The following VTI1A variants were observed in gnomAD, a reference collection of about 807,000 sequenced individuals.
The protein encoded by VTI1A is vesicle transport through interaction with t-SNAREs 1A, also known as vesicle transport through interaction with t-SNAREs homolog 1A.
VTI1A carries 22 observed loss-of-function variants against 34.9 expected under a neutral mutation model. The ratio of observed to expected loss-of-function variants is 0.63; its 90% CI spans 0.45 to 0.90. VTI1A has a LOEUF of 0.90. VTI1A is among the 40% of genes least tolerant of loss of function. The probability of loss-of-function intolerance (pLI) is 0.00; values close to 1 mark genes in which losing one functional copy is unlikely to be tolerated. For missense variants in VTI1A, 268 were observed against 275.6 expected (o/e 0.97, Z 0.20); for synonymous variants, 87 against 97.3 (o/e 0.89, Z 0.62).
chr10:112,448,777 T>C (rs1847095466), intron 1 of VTI1A: 2 of 152,108 alleles, frequency 1.3e-5, no homozygotes, highest in Admixed American at 6.5e-5. Context: ...TAAGTTGTCA[T>C]TCCTCTTTCC....
At chr10:112,631,472 G>T (rs1846128993) in intron 5 of VTI1A, among the ~76,000 whole-genome samples, 1 of 152,032 alleles carries the variant, frequency 6.6e-6, no homozygotes, top group Admixed American at 6.5e-5. Context: ...TGTCTCTATA[G>T]ATTCATCTAT....
chr10:112,533,912 AT>A (rs537496332), intron 4 of VTI1A, among the ~76,000 whole-genome samples: 16 of 150,502 alleles, frequency 1.1e-4, no homozygotes, highest in East Asian at 5.8e-4. Context: ...AGCTAGTATG[AT>A]TTTTTTTTTC....
At chr10:112,765,162 A>G (rs1398529399) in intron 7 of VTI1A, among the ~76,000 whole-genome samples, 1 of 152,116 alleles carries the variant, frequency 6.6e-6, no homozygotes, top group African/African-American at 2.4e-5. Context: ...ATACCATTTC[A>G]ATTTCTTGCT....
intron 6 of VTI1A, among the ~76,000 whole-genome samples, chr10:112,668,494 G>C (rs971351150): frequency 6.6e-6 from 1 of 152,066 alleles, no homozygotes; most frequent in Non-Finnish European, 1.5e-5. Flanking sequence ...TTCCCAGGTA[G>C]GTATTTTATT....
At chr10:112,749,747 C>T (rs1274313178) in intron 7 of VTI1A, among the ~76,000 whole-genome samples, 1 of 152,186 alleles carries the variant, frequency 6.6e-6, no homozygotes, top group Non-Finnish European at 1.5e-5. Flanking sequence ...CTTAGCTATG[C>T]TCTAGTTTGA....
Position 112,702,376 on chromosome 10 carries a change from G to A in VTI1A, c.560+33378G>A, listed in dbSNP as rs552817365. Reference sequence around the variant, plus strand: ...AAATTCAGTATTAAAACCAGGATTCGTTTAAAGCATTACTATGTCACATAG... The same window carrying A: ...AAATTCAGTATTAAAACCAGGATTCATTTAAAGCATTACTATGTCACATAG... On this transcript the variant is annotated intron_variant, in intron 7 of 7. Coordinates refer to ENST00000393077, the MANE Select transcript of VTI1A (RefSeq NM_145206.4). 3.9e-5 allele frequency among the ~76,000 whole-genome samples: 6 copies of A among 152,260 alleles called. No individual in the cohort carries two copies. In the East Asian group the frequency reaches 1.2e-3, roughly 29 times the overall value.
intron 7 of VTI1A, among the ~76,000 whole-genome samples, chr10:112,776,401 G>T (rs1278200346): frequency 1.3e-5 from 2 of 152,156 alleles, no homozygotes; most frequent in African/African-American, 2.4e-5. Flanking sequence ...TAAGGCTGGT[G>T]CAGGGGAGTG....
chr10:112,801,376 A>C (rs1352082283), intron 7 of VTI1A, among the ~76,000 whole-genome samples: 1 of 152,192 alleles, frequency 6.6e-6, no homozygotes, highest in East Asian at 1.9e-4. Context: ...TGTATGCAAT[A>C]AACCAGAAAA....
chr10:112,682,720 A>G (rs955481467), intron 7 of VTI1A, among the ~76,000 whole-genome samples: 1 of 152,214 alleles, frequency 6.6e-6, no homozygotes, highest in African/African-American at 2.4e-5. Context: ...TAGCTCTGCC[A>G]TGTCAGGGCC....
At chr10:112,778,063 T>C (rs1003596772) in intron 7 of VTI1A, among the ~76,000 whole-genome samples, 3 of 151,912 alleles carry the variant, frequency 2.0e-5, no homozygotes, top group Non-Finnish European at 4.4e-5. Context: ...GATCGTGCCA[T>C]TGCACTCCAC....
intron 5 of VTI1A, among the ~76,000 whole-genome samples, chr10:112,616,725 A>G (rs887221163): frequency 6.6e-6 from 1 of 152,206 alleles, no homozygotes; most frequent in Non-Finnish European, 1.5e-5. Flanking sequence ...ATATAAGACT[A>G]TTAAAATGGC....
At chr10:112,670,654 G>A (rs1022940653) in intron 7 of VTI1A, among the ~76,000 whole-genome samples, 2 of 152,138 alleles carry the variant, frequency 1.3e-5, no homozygotes, top group African/African-American at 4.8e-5. Flanking sequence ...AACAACTTCT[G>A]CAACCTTTGA....
intron 5 of VTI1A, among the ~76,000 whole-genome samples, chr10:112,572,302 G>A (rs1222773582): frequency 6.6e-6 from 1 of 152,112 alleles, no homozygotes; most frequent in Non-Finnish European, 1.5e-5. Flanking sequence ...CACCTAATAA[G>A]CTTTCAATGA....
chr10:112,484,056 T>C (rs1046526567), intron 3 of VTI1A, among the ~76,000 whole-genome samples: 1 of 152,230 alleles, frequency 6.6e-6, no homozygotes, highest in African/African-American at 2.4e-5. Context: ...TTAAAGATGA[T>C]TTGGTTCATA....
chr10:112,574,661 G>A (rs530748521), intron 5 of VTI1A, among the ~76,000 whole-genome samples: 1 of 152,240 alleles, frequency 6.6e-6, no homozygotes, highest in South Asian at 2.1e-4. Flanking sequence ...TCTACCACAC[G>A]TTAAGTGATG....
intron 7 of VTI1A, among the ~76,000 whole-genome samples, chr10:112,757,351 A>ATTTTTTTTTTTTTGTTTTTTTTTTTTTT (rs1851321469): frequency 2.5e-5 from 1 of 40,672 alleles, no homozygotes; most frequent in African/African-American, 1.0e-4. Flanking sequence ...TGTTGCTGTG[A>ATTTTTTTTTTTTTGTTTTTTTTTTTTTT]TTTTTTTTTT....
chr10:112,587,897 T>G (rs1844220830), intron 5 of VTI1A, among the ~76,000 whole-genome samples: 1 of 152,096 alleles, frequency 6.6e-6, no homozygotes, highest in African/African-American at 2.4e-5. Flanking sequence ...AATGCAGTAC[T>G]TTATTCAAGA....
chr10:112,722,279 A>C (rs1022927999), intron 7 of VTI1A, among the ~76,000 whole-genome samples: 7 of 151,824 alleles, frequency 4.6e-5, no homozygotes, highest in Non-Finnish European at 2.9e-5. Flanking sequence ...CAAACACCAC[A>C]TGTTCTCACT....
At position 112,471,612 on chromosome 10, in the gene VTI1A, C is replaced by CA. The variant is rs1487024111; in HGVS notation, c.264+6957dup. On this transcript the variant is annotated intron_variant, in intron 3 of 7. Transcript: ENST00000393077. The stretch of plus-strand genomic sequence containing the variant: ...TTAATGTTCTCTTCACAATCCTTTG[C>CA]AACCTGCCCGCCTTTGAGTTTCCAT... Among the ~76,000 whole-genome samples, 4 of 152,092 alleles carry CA rather than the reference C, an allele frequency of 2.6e-5. No homozygotes were observed. In the East Asian group the frequency reaches 7.7e-4, roughly 29 times the overall value.
Sources: gnomAD v4.1 joint callset for allele counts (sites outside exome capture counted in the v4.1 genomes callset) on GRCh38, gnomAD v4.1.1 for gene constraint, MANE v1.5 for transcripts, NCBI Gene and HGNC (gene_info 2026-07-23, HGNC 2026-07-21) for gene names.